HDAC9: variants seen among roughly 807,000 people sequenced by gnomAD.
HDAC9 encodes the protein histone deacetylase 9.
Under a neutral mutation model 139.4 loss-of-function variants are expected in HDAC9, and 41 were observed. The observed-to-expected ratio is 0.29, with a 90% CI of 0.23 to 0.38. The LOEUF is 0.38. Ranked by LOEUF, HDAC9 falls within the 10% of genes least tolerant of loss-of-function variation. HDAC9 has a pLI of 1.00. For missense variants in HDAC9, 1,147 were observed against 1,297.0 expected, an observed-to-expected ratio of 0.88 and a Z score of 1.78; for synonymous variants, 517 against 476.2, an observed-to-expected ratio of 1.09 and a Z score of -1.12.
intron 1 of HDAC9, among the ~76,000 whole-genome samples, chr7:18,125,357 C>T (rs12535940): frequency 0.16 from 24,260 of 151,954 alleles, 2,345 homozygotes; most frequent in South Asian, 0.34. Context: ...TCTGTTGAGA[C>T]GCTGAGTTTC....
At chr7:18,130,644 T>C (rs1473085531) in intron 1 of HDAC9, among the ~76,000 whole-genome samples, 1 of 152,170 alleles carries the variant, frequency 6.6e-6, no homozygotes, top group Non-Finnish European at 1.5e-5. Context: ...TCTCTTTAGC[T>C]GTCACCCCTA....
intron 1 of HDAC9, among the ~76,000 whole-genome samples, chr7:18,099,592 A>G (rs2128069063): frequency 6.6e-6 from 1 of 152,346 alleles, no homozygotes; most frequent in Non-Finnish European, 1.5e-5. Flanking sequence ...GAGAACAAAC[A>G]TCATATATTC....
intron 8 of HDAC9, among the ~76,000 whole-genome samples, chr7:18,637,457 C>T (rs1289979253): frequency 2.7e-4 from 41 of 151,998 alleles, no homozygotes; most frequent in Admixed American, 2.7e-3. Context: ...AGCTTTTCAG[C>T]TAATTGTTGA....
chr7:18,116,966 T>C (rs1399819415), intron 1 of HDAC9, among the ~76,000 whole-genome samples: 1 of 152,248 alleles, frequency 6.6e-6, no homozygotes, highest in Non-Finnish European at 1.5e-5. Context: ...GTTGCCTTTT[T>C]GTTACAATCA....
At chr7:18,809,747 G>C (rs1181138311) in intron 17 of HDAC9, among the ~76,000 whole-genome samples, 2 of 151,882 alleles carry the variant, frequency 1.3e-5, no homozygotes, top group South Asian at 2.1e-4. Flanking sequence ...GGAGAAAAGG[G>C]AACAATGTTA....
chr7:18,820,437 A>G (rs574313710), intron 17 of HDAC9, among the ~76,000 whole-genome samples: 1 of 152,306 alleles, frequency 6.6e-6, no homozygotes, highest in South Asian at 2.1e-4. Flanking sequence ...ATTTTAAAAC[A>G]TTTTCACAGT....
chr7:18,560,170 G>T (rs1820138983), intron 2 of HDAC9, among the ~76,000 whole-genome samples: 1 of 152,210 alleles, frequency 6.6e-6, no homozygotes, highest in Admixed American at 6.5e-5. Flanking sequence ...ATTGGGCTCA[G>T]ACTGATCTGA....
intron 4 of HDAC9, among the ~76,000 whole-genome samples, chr7:18,590,972 G>A (rs556701012): frequency 1.3e-5 from 2 of 152,160 alleles, no homozygotes; most frequent in African/African-American, 4.8e-5. Context: ...TAATTCCCCT[G>A]TATTAGGTCA....
chr7:18,136,071 T>A (rs1785392740), intron 1 of HDAC9, among the ~76,000 whole-genome samples: 2 of 150,186 alleles, frequency 1.3e-5, no homozygotes, highest in East Asian at 3.9e-4. Flanking sequence ...GAGCATTTTT[T>A]CATGTGTTTT....
At chr7:18,803,924 A>T (rs1485948117) in intron 17 of HDAC9, among the ~76,000 whole-genome samples, 1 of 152,214 alleles carries the variant, frequency 6.6e-6, no homozygotes. Context: ...TGTTTCAAGT[A>T]CCTATCATAT....
intron 12 of HDAC9, among the ~76,000 whole-genome samples, chr7:18,725,107 C>G (rs1183463195): frequency 6.6e-6 from 1 of 152,132 alleles, no homozygotes; most frequent in African/African-American, 2.4e-5. Flanking sequence ...CCATGAGACA[C>G]AGCAGACACA....
At chr7:18,374,810 A>G (rs147832743) in intron 1 of HDAC9, among the ~76,000 whole-genome samples, 7 of 152,240 alleles carry the variant, frequency 4.6e-5, no homozygotes, top group East Asian at 1.9e-4. Flanking sequence ...GTTTGGGTCA[A>G]TGACAGATGG....
chr7:18,161,747 T>C lies in HDAC9; in HGVS notation c.-96-482T>C, dbSNP rs112212988. ...TCATGGGAGTTTTCTGTCACTCTTA[T>C]AGTTTATGGCCTTTTTGTTCTTTTT... On this transcript the variant is annotated intron_variant, in intron 1 of 12. Coordinates refer to the HDAC9 transcript ENST00000417496. 1.1e-3 allele frequency among the ~76,000 whole-genome samples: 171 copies of C among 152,320 alleles called. 1 individual carries two copies. The highest frequency in any genetic ancestry group is 1.3e-3 in the Non-Finnish European group (88 of 68,018).
chr7:18,593,605 G>A (rs1371530822), intron 5 of HDAC9, among the ~76,000 whole-genome samples: 1 of 152,126 alleles, frequency 6.6e-6, no homozygotes, highest in African/African-American at 2.4e-5. Context: ...TGGCTCTTAA[G>A]AGAACATAGG....
chr7:18,788,300 C>A (rs1022540054), intron 16 of HDAC9, among the ~76,000 whole-genome samples: 2 of 152,130 alleles, frequency 1.3e-5, no homozygotes, highest in African/African-American at 2.4e-5. Flanking sequence ...CCATATCATA[C>A]CCCTTGGAGG....
chr7:18,247,350 T>C lies in HDAC9; in HGVS notation c.25+85001T>C, dbSNP rs75272388. The stretch of plus-strand genomic sequence containing the variant: ...AGTGGTGAGGGGCACAGAAAAAAAC[T>C]ATAAAAGAAAGAATTGAAGTAGGAG... On this transcript the variant is annotated intron_variant, in intron 2 of 12. Transcript: ENST00000417496. 7.1e-3 allele frequency among the ~76,000 whole-genome samples: 1,081 copies of C among 152,002 alleles called. 12 individuals are homozygous for C. The highest frequency in any genetic ancestry group is 0.025 in the African/African-American group (1,016 of 41,434).
intron 14 of HDAC9, among the ~76,000 whole-genome samples, chr7:18,752,375 C>T (rs1011056541): frequency 1.3e-5 from 2 of 152,020 alleles, no homozygotes; most frequent in African/African-American, 4.8e-5. Context: ...CTTATTCACT[C>T]GACAGAGGAA....
At position 18,652,517 on chromosome 7, in the gene HDAC9, C is replaced by T. The variant is rs146718635; in HGVS notation, c.1467+3834C>T. Among the ~76,000 whole-genome samples the T allele has an allele frequency of 8.2e-3, 1,252 of 151,854 alleles. 19 individuals are homozygous for T. The highest frequency in any genetic ancestry group is 0.029 in the African/African-American group (1,190 of 41,498). ...AAATAAAAGGGCAAATCTCTAGTCA[C>T]TTCACTATTTGAATGATATATAGAA... On this transcript the variant is annotated intron_variant, in intron 11 of 25. Coordinates refer to ENST00000686413, the MANE Select transcript of HDAC9 (RefSeq NM_178425.4).
At position 18,141,252 on chromosome 7, in the gene HDAC9, A is replaced by C. The variant is rs1316627308; in HGVS notation, c.-96-20977A>C. On this transcript the variant is annotated intron_variant, in intron 1 of 12. Transcript: ENST00000417496. ...AAAAGCACTTTCAGGACTGCAGAAA[A>C]ATTATCTACTTTAAAAAACATTTTT... 2.0e-5 allele frequency among the ~76,000 whole-genome samples: 3 copies of C among 152,348 alleles called. No individual in the cohort carries two copies. The East Asian group carries it at 5.8e-4, about 29-fold the overall frequency.
Sources: allele counts gnomAD v4.1 joint callset (sites outside exome capture counted in the v4.1 genomes callset), GRCh38; gene constraint gnomAD v4.1.1; transcripts MANE v1.5; gene names NCBI Gene and HGNC (gene_info 2026-07-23, HGNC 2026-07-21).